The following CLN3 variants were observed in gnomAD, a reference collection of about 807,000 sequenced individuals.
The protein encoded by CLN3 is battenin.
A neutral mutation model predicts 60.7 loss-of-function variants in CLN3; 49 were observed. That is an observed-to-expected ratio of 0.81 (90% CI 0.64 to 1.02). The LOEUF (loss-of-function observed/expected upper bound fraction) is 1.02. Ranked by LOEUF, CLN3 falls within the 50% of genes least tolerant of loss-of-function variation. The pLI, the probability that CLN3 is intolerant of heterozygous loss-of-function variation, is 0.00. For missense variants in CLN3, 516 were observed against 557.4 expected (o/e 0.93, Z 0.75); for synonymous variants, 256 against 245.8 (o/e 1.04, Z -0.39).
chr16:28,485,339 G>A (rs1383086285), intron 9 of CLN3, among the ~76,000 whole-genome samples: 1 of 147,524 alleles, frequency 6.8e-6, no homozygotes, highest in Non-Finnish European at 1.5e-5. Context: ...GGCCAAGGCA[G>A]GTGGATCACT....
At chr16:28,473,080 G>C (rs551004747), downstream of CLN3, among the ~76,000 whole-genome samples, 1 of 152,042 alleles carries the variant, frequency 6.6e-6, no homozygotes, top group Non-Finnish European at 1.5e-5. Flanking sequence ...TGGGAGTACA[G>C]GCACGCAGCA....
chr16:28,484,419 G>A, intron 9 of CLN3: 1 of 381,200 alleles, frequency 2.6e-6, no homozygotes, highest in Non-Finnish European at 5.0e-6. Flanking sequence ...TGCAATCATA[G>A]CTCACTGCAG....
chr16:28,477,162 CAAAA>C (rs990428363), downstream of CLN3: 2 of 330,446 alleles, frequency 6.1e-6, no homozygotes, highest in Non-Finnish European at 1.2e-5. Flanking sequence ...AACAAACAAA[CAAAA>C]AAGGGAGAAA....
rs1567265196 is a variant in CLN3, at chr16:28,492,046, CTA to C, written c.-105_-104del. 2 of 553,790 alleles carry C rather than the reference CTA, an allele frequency of 3.6e-6. No individual in the cohort carries two copies. Among genetic ancestry groups the C allele is most frequent in the African/African-American group, 3.8e-5 (2 of 52,964 alleles). The allele number at this position is 553,790 out of a possible 1,614,324, so 34.3% of individuals were successfully genotyped here. A position where few individuals can be genotyped will look rare whatever the true frequency, so the allele number is the denominator to read the frequency against. ...TTTAAGAGCAGCAGAATGTTCTGCACTATGCAGAGGCCGTTTGTCGGATCACG... is the reference window on the plus strand; with the variant it reads ...TTTAAGAGCAGCAGAATGTTCTGCACTGCAGAGGCCGTTTGTCGGATCACG... On this transcript the variant is annotated 5_prime_UTR_variant, in exon 1 of 16. Coordinates refer to ENST00000636147, the MANE Select transcript of CLN3 (RefSeq NM_001042432.2).
chr16:28,482,287 C>T (rs1179185254), intron 13 of CLN3, 40 bp downstream of exon 13: 1 of 1,609,216 alleles, frequency 6.2e-7, no homozygotes, highest in South Asian at 1.1e-5. Context: ...AGCTGCATCA[C>T]CACGGCGCCC....
At chr16:28,486,061 G>A (rs952265576) in intron 9 of CLN3, among the ~76,000 whole-genome samples, 10 of 150,900 alleles carry the variant, frequency 6.6e-5, no homozygotes, top group African/African-American at 2.2e-4. Context: ...GCAATGGCAC[G>A]ATCTCGGCTC....
At chr16:28,483,713 C>CTTTTTTTTTTT (rs755660742) in intron 10 of CLN3, among the ~76,000 whole-genome samples, 4 of 100,534 alleles carry the variant, frequency 4.0e-5, no homozygotes, top group African/African-American at 9.1e-5. Flanking sequence ...CCTTTCTTTT[C>CTTTTTTTTTTT]TTTTTTTTTT....
At chr16:28,484,214 T>A in intron 9 of CLN3, 96 bp from the exon 10 acceptor site, 2 of 824,106 alleles carry the variant, frequency 2.4e-6, no homozygotes, top group Non-Finnish European at 2.0e-6. Flanking sequence ...CACCTCTACC[T>A]TTGAACACTT....
chr16:28,491,334 A>T, intron 3 of CLN3, 148 bp downstream of exon 3: 1 of 1,136,922 alleles, frequency 8.8e-7, no homozygotes, highest in Non-Finnish European at 1.3e-6. Flanking sequence ...TGGAAATTTT[A>T]CATGCTGCCC....
intron 5 of CLN3, 62 bp from the exon 6 acceptor site, chr16:28,487,803 G>C: frequency 7.1e-7 from 1 of 1,403,940 alleles, no homozygotes; most frequent in Non-Finnish European, 9.9e-7. Context: ...CCAACCACGT[G>C]GCCAAGGAGA....
At chr16:28,475,638 G>T (rs2045985358), downstream of CLN3, 1 of 152,200 alleles carries the variant, frequency 6.6e-6, no homozygotes, top group South Asian at 2.1e-4. Context: ...AGTCTCAGGG[G>T]GAACTTGCAT....
chr16:28,486,353 A>G lies in CLN3; in HGVS notation c.671T>C (p.Leu224Pro), dbSNP rs2046217325. 1 of 1,612,240 alleles carries G rather than the reference A, an allele frequency of 6.2e-7. No homozygotes were observed. The highest frequency in any genetic ancestry group is 2.1e-4 in the Middle Eastern group (1 of 4,780). The change falls in exon 9 of 16, where the codon CTG (leucine) becomes CCG (proline). Residue 224 changes from leucine (L) to proline (P), a missense_variant. Physicochemically the swap from Leu to Pro is moderately conservative, Grantham distance 98. Transcript: ENST00000636147. Reference sequence around the variant, plus strand: ...CCGGCTCAGGGCAGCTCACCTGGCCAGCAGCAGGGCAGGGATACCCAGCAT... The same window carrying G: ...CCGGCTCAGGGCAGCTCACCTGGCCGGCAGCAGGGCAGGGATACCCAGCAT... ...LSMLGIPALL[L>P]ASYFLLLTSP...
intron 14 of CLN3, among the ~76,000 whole-genome samples, chr16:28,479,292 G>A (rs1198047454): frequency 6.6e-6 from 1 of 152,148 alleles, no homozygotes; most frequent in Non-Finnish European, 1.5e-5. Flanking sequence ...GCATTAAAAA[G>A]GACACACCTC....
At chr16:28,476,164 GGTGTGA>G (rs1380151723), downstream of CLN3, 2 of 152,062 alleles carry the variant, frequency 1.3e-5, no homozygotes, top group Non-Finnish European at 2.9e-5. Context: ...TGGGATTACA[GGTGTGA>G]GCCACAGTGC....
chr16:28,491,687 T>C lies in CLN3; in HGVS notation c.46+27A>G. ...TGGGCTGCGAGCCAGAGGTGGTCGT[T>C]CCATGAGGGTGGGCGGGAATACTCA... On this transcript the variant is annotated intron_variant, in intron 2 of 15. Transcript: ENST00000636147. The C allele has an allele frequency of 1.9e-6, 3 of 1,613,994 alleles. No individual in the cohort carries two copies. The South Asian group carries it at 3.3e-5, about 18-fold the overall frequency.
chr16:28,485,684 TAAAAAAA>T (rs758152793), intron 9 of CLN3, among the ~76,000 whole-genome samples: 12 of 84,568 alleles, frequency 1.4e-4, no homozygotes, highest in Middle Eastern at 7.6e-3. Context: ...CAACACTGAT[TAAAAAAA>T]AAAAAAAAAA....
downstream of CLN3, among the ~76,000 whole-genome samples, chr16:28,471,529 T>TA (rs1376767067): frequency 1.3e-5 from 1 of 79,520 alleles, no homozygotes; most frequent in Non-Finnish European, 2.4e-5. Flanking sequence ...AGTCAATGAT[T>TA]AAAAGCTAAT....
downstream of CLN3, chr16:28,474,297 A>G (rs2045974475): frequency 6.6e-6 from 1 of 152,452 alleles, no homozygotes; most frequent in Non-Finnish European, 1.5e-5. Context: ...ACAAAAAACA[A>G]CAACAAAAAA....
chr16:28,481,066 A>C (rs1440612918), intron 14 of CLN3, among the ~76,000 whole-genome samples: 2 of 152,128 alleles, frequency 1.3e-5, no homozygotes, highest in Non-Finnish European at 2.9e-5. Context: ...TGATCATGCC[A>C]CTGTACTCCA....
Sources: allele counts gnomAD v4.1 joint callset (sites outside exome capture counted in the v4.1 genomes callset), GRCh38; gene constraint gnomAD v4.1.1; transcripts MANE v1.5; gene names NCBI Gene and HGNC (gene_info 2026-07-23, HGNC 2026-07-21).